ADK: variants seen among roughly 807,000 people sequenced by gnomAD.
ADK encodes N6,N6-dimethyladenosine kinase.
ADK carries 24 observed loss-of-function variants against 44.7 expected under a neutral mutation model. The observed-to-expected ratio is 0.54, with a 90% CI of 0.39 to 0.76. The LOEUF (loss-of-function observed/expected upper bound fraction) is 0.76, where lower values mean the gene tolerates loss of function less well. Ranked by LOEUF, ADK falls within the 30% of genes least tolerant of loss-of-function variation. The pLI, the probability that ADK is intolerant of heterozygous loss-of-function variation, is 0.00. For missense variants in ADK, 321 were observed against 425.1 expected (o/e 0.76, Z 2.15); for synonymous variants, 128 against 142.6 (o/e 0.90, Z 0.73).
chr10:74,460,260 A>T (rs10824186), intron 6 of ADK, among the ~76,000 whole-genome samples: 3 of 152,032 alleles, frequency 2.0e-5, no homozygotes, highest in African/African-American at 7.3e-5. Context: ...ATTTCTCTGT[A>T]TACCAAAACA....
chr10:74,625,543 C>G (rs1853162468), intron 9 of ADK, among the ~76,000 whole-genome samples: 1 of 152,070 alleles, frequency 6.6e-6, no homozygotes, highest in Non-Finnish European at 1.5e-5. Context: ...ATCACACTTC[C>G]ATTTGTTTAT....
intron 4 of ADK, among the ~76,000 whole-genome samples, chr10:74,387,854 A>G (rs949329567): frequency 1.3e-5 from 2 of 152,070 alleles, no homozygotes; most frequent in Admixed American, 6.6e-5. Context: ...TAGAAACCCT[A>G]TACTGTACTA....
intron 9 of ADK, among the ~76,000 whole-genome samples, chr10:74,666,830 C>CTTTTTTTTTTTTTT (rs11317030): frequency 9.2e-6 from 1 of 109,050 alleles, no homozygotes; most frequent in Non-Finnish European, 1.9e-5. Flanking sequence ...AGTTTTGTGA[C>CTTTTTTTTTTTTTT]TTTTTTTTTT....
intron 7 of ADK, among the ~76,000 whole-genome samples, chr10:74,553,026 AT>A (rs113827301): frequency 0.052 from 7,720 of 149,168 alleles, 599 homozygotes; most frequent in African/African-American, 0.17. Flanking sequence ...GTAGTTTTTT[AT>A]TTTTTTTTTC....
At chr10:74,192,561 T>A (rs1310885758) in intron 1 of ADK, among the ~76,000 whole-genome samples, 2 of 150,436 alleles carry the variant, frequency 1.3e-5, no homozygotes, top group African/African-American at 4.9e-5. Context: ...ATGGTTTTGC[T>A]CTCTCTGTCA....
chr10:74,215,383 C>T (rs1298336529), intron 2 of ADK, among the ~76,000 whole-genome samples: 3 of 152,174 alleles, frequency 2.0e-5, no homozygotes, highest in Non-Finnish European at 2.9e-5. Flanking sequence ...AATCTTGGCT[C>T]ACTTACAACC....
chr10:74,264,930 C>T (rs529432713), intron 3 of ADK, among the ~76,000 whole-genome samples: 5 of 152,212 alleles, frequency 3.3e-5, no homozygotes, highest in Admixed American at 1.3e-4. Context: ...CTATTTGTCC[C>T]TATACCAATG....
Position 74,151,249 on chromosome 10 carries a change from G to A in ADK, c.-30G>A, listed in dbSNP as rs1399736371. Reference sequence around the variant, plus strand: ...AGAGAGTGGATGGCAGAGGTGGGCTGTAGAGCCAAAGTGGGGTGGGAGCGC... The same window carrying A: ...AGAGAGTGGATGGCAGAGGTGGGCTATAGAGCCAAAGTGGGGTGGGAGCGC... On this transcript the variant is annotated 5_prime_UTR_variant, in exon 1 of 11. Coordinates refer to ENST00000539909, the MANE Select transcript of ADK (RefSeq NM_006721.4). 2 of 1,549,498 alleles carry A rather than the reference G, an allele frequency of 1.3e-6. No individual in the cohort carries two copies. Among genetic ancestry groups the A allele is most frequent in the Middle Eastern group, 2.3e-4 (1 of 4,420 alleles).
intron 7 of ADK, among the ~76,000 whole-genome samples, chr10:74,545,435 A>G (rs1308401990): frequency 6.6e-6 from 1 of 152,200 alleles, no homozygotes; most frequent in East Asian, 1.9e-4. Context: ...AGGTTCCACC[A>G]AAAATATTTT....
chr10:74,188,333 T>C (rs1000738633), intron 1 of ADK, among the ~76,000 whole-genome samples: 12 of 147,924 alleles, frequency 8.1e-5, no homozygotes, highest in East Asian at 7.8e-4. Flanking sequence ...ATTTTGGACA[T>C]GTATTTTTAA....
intron 4 of ADK, among the ~76,000 whole-genome samples, chr10:74,387,968 C>T (rs1356490848): frequency 2.6e-5 from 4 of 151,872 alleles, no homozygotes; most frequent in South Asian, 4.1e-4. Flanking sequence ...AATGCAATGG[C>T]GCAATCTCGG....
At chr10:74,634,151 A>G (rs751247179) in intron 9 of ADK, among the ~76,000 whole-genome samples, 3 of 152,190 alleles carry the variant, frequency 2.0e-5, no homozygotes, top group South Asian at 4.1e-4. Flanking sequence ...AAAAACAATA[A>G]TAATCCCCTC....
chr10:74,242,543 G>A (rs1457477184), intron 3 of ADK, among the ~76,000 whole-genome samples: 1 of 105,506 alleles, frequency 9.5e-6, no homozygotes, highest in Non-Finnish European at 1.9e-5. Flanking sequence ...GCTTTAAAAT[G>A]CTGATGATAG....
At chr10:74,235,303 C>T (rs560196173) in intron 3 of ADK, among the ~76,000 whole-genome samples, 1 of 151,888 alleles carries the variant, frequency 6.6e-6, no homozygotes, top group African/African-American at 2.4e-5. Flanking sequence ...TGCAGGAAAA[C>T]ATTCTTGACA....
At chr10:74,681,419 A>C (rs939061065) in intron 10 of ADK, among the ~76,000 whole-genome samples, 5 of 152,228 alleles carry the variant, frequency 3.3e-5, no homozygotes, top group Non-Finnish European at 7.3e-5. Context: ...CCCCTATTTG[A>C]TGAATGAAGA....
At chr10:74,177,766 T>C (rs1200907766) in intron 1 of ADK, among the ~76,000 whole-genome samples, 7 of 152,010 alleles carry the variant, frequency 4.6e-5, no homozygotes, top group Non-Finnish European at 2.9e-5. Context: ...TCATTTTTGG[T>C]CTATGAGCTT....
intron 9 of ADK, among the ~76,000 whole-genome samples, chr10:74,640,480 G>A (rs1388916795): frequency 6.6e-6 from 1 of 152,222 alleles, no homozygotes; most frequent in East Asian, 1.9e-4. Context: ...CTTGTCTTCT[G>A]TGTGCTCCGT....
intron 1 of ADK, among the ~76,000 whole-genome samples, chr10:74,171,086 T>C (rs569910214): frequency 6.6e-6 from 1 of 152,172 alleles, no homozygotes; most frequent in Non-Finnish European, 1.5e-5. Context: ...CATTTTCTTA[T>C]GTCCCTAAAA....
intron 7 of ADK, among the ~76,000 whole-genome samples, chr10:74,541,212 G>A (rs562349862): frequency 5.9e-5 from 9 of 152,026 alleles, no homozygotes; most frequent in African/African-American, 1.7e-4. Context: ...ACGGGGTTTC[G>A]CCATGTTGGC....
Sources: gnomAD v4.1 joint callset for allele counts (sites outside exome capture counted in the v4.1 genomes callset) on GRCh38, gnomAD v4.1.1 for gene constraint, MANE v1.5 for transcripts, NCBI Gene and HGNC (gene_info 2026-07-23, HGNC 2026-07-21) for gene names.